The following SLC44A5 variants were observed in gnomAD, a reference collection of about 807,000 sequenced individuals.
SLC44A5 encodes solute carrier family 44 member 5, also known as choline transporter-like protein 5.
Under a neutral mutation model 101.8 loss-of-function variants are expected in SLC44A5, and 57 were observed. That is an observed-to-expected ratio of 0.56 (90% CI 0.45 to 0.70). SLC44A5 has a LOEUF of 0.70. SLC44A5 is among the 30% of genes least tolerant of loss of function. The probability of loss-of-function intolerance (pLI) is 0.00; values close to 1 mark genes in which losing one functional copy is unlikely to be tolerated. For missense variants in SLC44A5, 737 were observed against 853.1 expected, an observed-to-expected ratio of 0.86 and a Z score of 1.70; for synonymous variants, 281 against 290.9, an observed-to-expected ratio of 0.97 and a Z score of 0.35.
intron 6 of SLC44A5, among the ~76,000 whole-genome samples, chr1:75,255,097 C>T (rs1314834063): frequency 6.6e-6 from 1 of 152,076 alleles, no homozygotes; most frequent in Non-Finnish European, 1.5e-5. Context: ...TGACAGTCAA[C>T]ACAGCCCTGT....
At chr1:75,669,351 T>A in the SLC44A5 span, among the ~76,000 whole-genome samples, 6 of 152,206 alleles carry the variant, frequency 3.9e-5, no homozygotes, top group African/African-American at 1.4e-4. Context: ...GCTTATGGTC[T>A]ACTCCCTCTA....
intron 1 of SLC44A5, among the ~76,000 whole-genome samples, chr1:75,578,898 T>C (rs1203725395): frequency 6.6e-6 from 1 of 152,132 alleles, no homozygotes; most frequent in Non-Finnish European, 1.5e-5. Flanking sequence ...ATACATACAA[T>C]TTTTATTTGT....
At chr1:75,593,636 AATGGAGTACT>A (rs1299456497) in intron 1 of SLC44A5, among the ~76,000 whole-genome samples, 1 of 152,132 alleles carries the variant, frequency 6.6e-6, no homozygotes, top group Non-Finnish European at 1.5e-5. Flanking sequence ...ACATATACAC[AATGGAGTACT>A]ATTCAGCCAT....
chr1:75,211,757 CT>C (rs925461238), intron 22 of SLC44A5, among the ~76,000 whole-genome samples: 33 of 151,818 alleles, frequency 2.2e-4, no homozygotes, highest in East Asian at 9.7e-4. Flanking sequence ...AATTAACTGC[CT>C]TTTTTTTCCC....
intron 2 of SLC44A5, among the ~76,000 whole-genome samples, chr1:75,487,113 A>G (rs2101798891): frequency 6.6e-6 from 1 of 152,358 alleles, no homozygotes; most frequent in African/African-American, 2.4e-5. Context: ...TACTTAATAA[A>G]TATCTATTAA....
At chr1:75,240,053 A>G (rs1218455437) in intron 9 of SLC44A5, among the ~76,000 whole-genome samples, 1 of 151,874 alleles carries the variant, frequency 6.6e-6, no homozygotes, top group African/African-American at 2.4e-5. Context: ...TTTTTTCTGG[A>G]TAATCTCATG....
chr1:75,573,952 C>T (rs769346555), intron 1 of SLC44A5, among the ~76,000 whole-genome samples: 21 of 152,214 alleles, frequency 1.4e-4, no homozygotes, highest in Non-Finnish European at 2.8e-4. Context: ...GCACCCCATG[C>T]ACTGATGCAC....
chr1:75,702,874 G>C, the SLC44A5 span, among the ~76,000 whole-genome samples: 2 of 152,138 alleles, frequency 1.3e-5, no homozygotes, highest in Non-Finnish European at 2.9e-5. Context: ...CCTCTCAAAA[G>C]AAGACATTTA....
At chr1:75,204,983 G>C (rs556143901) in intron 23 of SLC44A5, 1 of 152,218 alleles carries the variant, frequency 6.6e-6, no homozygotes, top group South Asian at 2.1e-4. Flanking sequence ...AATAATAAAA[G>C]ACTAATCTAG....
At chr1:75,474,800 A>T (rs1026877257) in intron 2 of SLC44A5, among the ~76,000 whole-genome samples, 2 of 152,188 alleles carry the variant, frequency 1.3e-5, no homozygotes, top group Non-Finnish European at 2.9e-5. Flanking sequence ...CAATCCAGAA[A>T]ATTCTACTTA....
intron 2 of SLC44A5, among the ~76,000 whole-genome samples, chr1:75,509,534 A>C (rs1255661709): frequency 6.6e-6 from 1 of 152,198 alleles, no homozygotes. Context: ...CTGGAAGAAG[A>C]CTCACAATGG....
chr1:75,538,252 TTA>T (rs1233804492), intron 2 of SLC44A5: 3 of 152,208 alleles, frequency 2.0e-5, no homozygotes, highest in Non-Finnish European at 2.9e-5. Context: ...ACAGTCTTTT[TTA>T]TGTGTGTGTA....
At chr1:75,273,742 G>A (rs181871555) in intron 6 of SLC44A5, among the ~76,000 whole-genome samples, 10 of 152,204 alleles carry the variant, frequency 6.6e-5, no homozygotes, top group Middle Eastern at 3.4e-3. Context: ...TGATCCTGAT[G>A]TATTATCCTA....
At chr1:75,366,011 T>C (rs1336694410) in intron 3 of SLC44A5, among the ~76,000 whole-genome samples, 1 of 152,226 alleles carries the variant, frequency 6.6e-6, no homozygotes, top group Non-Finnish European at 1.5e-5. Flanking sequence ...TTCACAAATA[T>C]TATGGCTATA....
intron 1 of SLC44A5, among the ~76,000 whole-genome samples, chr1:75,576,825 G>C (rs1673395189): frequency 6.6e-6 from 1 of 152,188 alleles, no homozygotes; most frequent in African/African-American, 2.4e-5. Flanking sequence ...TCTGTTACTT[G>C]CTGATGAATA....
At chr1:75,601,671 T>G (rs1025152676) in intron 1 of SLC44A5, among the ~76,000 whole-genome samples, 4 of 152,180 alleles carry the variant, frequency 2.6e-5, no homozygotes, top group Non-Finnish European at 4.4e-5. Context: ...GGTAAAGAGC[T>G]ATCTCAAGGT....
intron 2 of SLC44A5, among the ~76,000 whole-genome samples, chr1:75,521,301 G>C (rs1670106760): frequency 6.6e-6 from 1 of 152,188 alleles, no homozygotes; most frequent in South Asian, 2.1e-4. Flanking sequence ...CAGGGAAATA[G>C]TGTAACGTCT....
chr1:75,317,896 G>A (rs191229706), intron 4 of SLC44A5, among the ~76,000 whole-genome samples: 3 of 152,180 alleles, frequency 2.0e-5, no homozygotes, highest in African/African-American at 4.8e-5. Context: ...CTCCAAATAC[G>A]ATCACCTTGG....
intron 14 of SLC44A5, 77 bp downstream of exon 14, chr1:75,222,284 A>C: frequency 9.3e-7 from 1 of 1,079,256 alleles, no homozygotes; most frequent in South Asian, 1.3e-5. Context: ...AAAATAGGTG[A>C]GATATTTATG....
Sources: gnomAD v4.1 joint callset for allele counts (sites outside exome capture counted in the v4.1 genomes callset) on GRCh38, gnomAD v4.1.1 for gene constraint, MANE v1.5 for transcripts, NCBI Gene and HGNC (gene_info 2026-07-23, HGNC 2026-07-21) for gene names.